Variants in OPCML observed in about 807,000 individuals in gnomAD.
The protein encoded by OPCML is opioid-binding protein/cell adhesion molecule.
In OPCML, 13 loss-of-function variants were observed where a neutral mutation model predicts 37.8. The observed-to-expected ratio is 0.34, with a 90% confidence interval of 0.22 to 0.55. The LOEUF (loss-of-function observed/expected upper bound fraction) is 0.55, where lower values mean the gene tolerates loss of function less well. OPCML is among the 20% of genes least tolerant of loss of function. The probability of loss-of-function intolerance (pLI) is 0.91; values close to 1 mark genes in which losing one functional copy is unlikely to be tolerated. For synonymous variants in OPCML, 176 were observed against 168.8 expected, an observed-to-expected ratio of 1.04 and a Z score of -0.33; for missense variants, 341 against 435.6, an observed-to-expected ratio of 0.78 and a Z score of 1.93.
intron 3 of OPCML, among the ~76,000 whole-genome samples, chr11:132,651,463 G>A (rs1026591295): frequency 6.6e-6 from 1 of 152,164 alleles, no homozygotes; most frequent in Non-Finnish European, 1.5e-5. Context: ...GCTTAACCTC[G>A]ATGAGTAAGT....
chr11:133,229,986 G>C (rs1045627633), intron 1 of OPCML, among the ~76,000 whole-genome samples: 4 of 152,064 alleles, frequency 2.6e-5, no homozygotes, highest in Middle Eastern at 3.2e-3. Flanking sequence ...CAAGGCAATA[G>C]CTTGACTCTA....
intron 1 of OPCML, among the ~76,000 whole-genome samples, chr11:133,108,906 G>A (rs1055140875): frequency 6.6e-6 from 1 of 152,184 alleles, no homozygotes; most frequent in Non-Finnish European, 1.5e-5. Context: ...GTTTCCATAT[G>A]CAGGAAGCCT....
intron 1 of OPCML, among the ~76,000 whole-genome samples, chr11:133,115,583 G>A (rs529989114): frequency 2.0e-5 from 3 of 152,040 alleles, no homozygotes; most frequent in Non-Finnish European, 4.4e-5. Context: ...TAATTCTTTC[G>A]TATCACTTTG....
intron 1 of OPCML, chr11:133,365,525 C>T (rs1944519347): frequency 6.6e-6 from 1 of 152,180 alleles, no homozygotes. Context: ...TCCCAAAGGT[C>T]CCACCTCCAA....
chr11:132,526,879 G>A (rs181314492), intron 4 of OPCML, among the ~76,000 whole-genome samples: 13 of 152,052 alleles, frequency 8.5e-5, no homozygotes, highest in South Asian at 2.1e-4. Context: ...GCCCTTTGCC[G>A]TCACTTCTCC....
chr11:132,657,319 C>A lies in OPCML; in HGVS notation c.147G>T (p.Arg49Ser), dbSNP rs758626142. ...GGGTTACCCGGTCATCTATGGTACACCTGCAGTGAGGCAGGGAGTGGTGGA... is the reference window on the plus strand; with the variant it reads ...GGGTTACCCGGTCATCTATGGTACAACTGCAGTGAGGCAGGGAGTGGTGGA... ...TVRQGESATL[R>S]CTIDDRVTRV... The change falls in exon 3 of 8, where the codon AGG becomes AGT. Residue 49 changes from arginine (R) to serine (S), a missense_variant and splice_region_variant. By Grantham distance (110) the Arg-to-Ser change is moderately radical (BLOSUM62 -1). Transcript: ENST00000524381. 6 of 1,613,844 alleles carry A rather than the reference C, an allele frequency of 3.7e-6. No homozygotes were observed. Among genetic ancestry groups the A allele is most frequent in the Non-Finnish European group, 5.1e-6 (6 of 1,179,952 alleles).
intron 1 of OPCML, among the ~76,000 whole-genome samples, chr11:133,328,877 A>G (rs2136642834): frequency 6.6e-6 from 1 of 152,306 alleles, no homozygotes; most frequent in South Asian, 2.1e-4. Context: ...CAATTAGGAA[A>G]AGAGGAAGTC....
At chr11:133,003,150 G>C (rs1947040860) in intron 1 of OPCML, among the ~76,000 whole-genome samples, 1 of 152,164 alleles carries the variant, frequency 6.6e-6, no homozygotes. Context: ...GTCATCAATG[G>C]TATTGTATCA....
rs186237414 is a variant in OPCML at position 133,456,311 on chromosome 11, C to T, written c.61+75953G>A. Among the ~76,000 whole-genome samples, 11 of 152,152 alleles carry T rather than the reference C, an allele frequency of 7.2e-5. No homozygotes were observed. The East Asian group carries it at 1.5e-3, about 21-fold the overall frequency. ...TTTAAATCTCACACAGGTCCAACCA[C>T]GAAATATGCCTTTAAAAGACCTCAG... On this transcript the variant is annotated intron_variant, in intron 1 of 7. Transcript: ENST00000524381.
chr11:133,283,972 C>A (rs573588688), intron 1 of OPCML, among the ~76,000 whole-genome samples: 289 of 152,272 alleles, frequency 1.9e-3, no homozygotes, highest in Middle Eastern at 0.01. Context: ...AAAAGTCAAG[C>A]CCTAAAACAC....
At chr11:132,918,472 T>C (rs969944797) in intron 2 of OPCML, among the ~76,000 whole-genome samples, 1 of 152,218 alleles carries the variant, frequency 6.6e-6, no homozygotes, top group Non-Finnish European at 1.5e-5. Flanking sequence ...TTGAGCTCCA[T>C]AAAATTGGAA....
intron 2 of OPCML, among the ~76,000 whole-genome samples, chr11:132,927,439 C>T (rs1945032444): frequency 6.6e-6 from 1 of 152,036 alleles, no homozygotes; most frequent in Admixed American, 6.6e-5. Flanking sequence ...ATCAAACAAA[C>T]AAACAAATCT....
chr11:132,741,133 C>T (rs1460050924), intron 2 of OPCML, among the ~76,000 whole-genome samples: 1 of 152,134 alleles, frequency 6.6e-6, no homozygotes, highest in Non-Finnish European at 1.5e-5. Flanking sequence ...ATTTGAAACC[C>T]AGTATATCCT....
At chr11:132,588,832 T>C (rs2096478785) in intron 3 of OPCML, among the ~76,000 whole-genome samples, 1 of 152,222 alleles carries the variant, frequency 6.6e-6, no homozygotes, top group Non-Finnish European at 1.5e-5. Context: ...TCTGCCTTCT[T>C]CACTTCTGTA....
chr11:132,556,916 G>T (rs1167730161), intron 3 of OPCML, among the ~76,000 whole-genome samples: 2 of 152,118 alleles, frequency 1.3e-5, no homozygotes, highest in Non-Finnish European at 2.9e-5. Flanking sequence ...CCTGAACCTG[G>T]AATTTTATCA....
At chr11:132,868,569 T>C (rs1448132209) in intron 2 of OPCML, among the ~76,000 whole-genome samples, 1 of 152,086 alleles carries the variant, frequency 6.6e-6, no homozygotes, top group African/African-American at 2.4e-5. Context: ...CCTAGTGAAG[T>C]GTGAAGTCCA....
chr11:133,114,181 A>C (rs945828271), intron 1 of OPCML, among the ~76,000 whole-genome samples: 1 of 152,128 alleles, frequency 6.6e-6, no homozygotes, highest in Non-Finnish European at 1.5e-5. Context: ...AAGCAACATC[A>C]CTGCCTGGGC....
intron 1 of OPCML, among the ~76,000 whole-genome samples, chr11:133,239,422 T>G (rs1592133098): frequency 1.3e-5 from 2 of 152,316 alleles, no homozygotes; most frequent in African/African-American, 4.8e-5. Context: ...GGGAGTGACA[T>G]TTGATGCTGG....
chr11:133,297,838 A>C (rs529759274), intron 1 of OPCML: 1 of 152,298 alleles, frequency 6.6e-6, no homozygotes, highest in East Asian at 1.9e-4. Context: ...TTAGGAGGTC[A>C]GCAAAAAAAG....
Sources: gnomAD v4.1 joint callset for allele counts (sites outside exome capture counted in the v4.1 genomes callset) on GRCh38, gnomAD v4.1.1 for gene constraint, MANE v1.5 for transcripts, NCBI Gene and HGNC (gene_info 2026-07-23, HGNC 2026-07-21) for gene names.